Variants in DOK5 observed in about 807,000 individuals in gnomAD.
DOK5 encodes downstream of tyrosine kinase 5.
In DOK5, 27 loss-of-function variants were observed where a neutral mutation model predicts 43.3. That is an observed-to-expected ratio of 0.62 (90% CI 0.46 to 0.86). The LOEUF (loss-of-function observed/expected upper bound fraction) is 0.86. Ranked by LOEUF, DOK5 falls within the 40% of genes least tolerant of loss-of-function variation. The probability of loss-of-function intolerance (pLI) is 0.00; values close to 1 mark genes in which losing one functional copy is unlikely to be tolerated. For missense variants in DOK5, 373 were observed against 392.9 expected, an observed-to-expected ratio of 0.95 and a Z score of 0.43; for synonymous variants, 146 against 140.1, an observed-to-expected ratio of 1.04 and a Z score of -0.30.
At chr20:54,479,149 C>G (rs1164541412) in intron 1 of DOK5, among the ~76,000 whole-genome samples, 1 of 152,130 alleles carries the variant, frequency 6.6e-6, no homozygotes, top group African/African-American at 2.4e-5. Context: ...GATAAGTGGT[C>G]ACCTTCATTT....
At chr20:54,568,870 T>A (rs1985185356) in intron 2 of DOK5, among the ~76,000 whole-genome samples, 1 of 151,346 alleles carries the variant, frequency 6.6e-6, no homozygotes, top group Middle Eastern at 3.2e-3. Flanking sequence ...AGGCGGAGCT[T>A]ACAGTGAGCC....
At chr20:54,492,151 CA>C (rs1982205453) in intron 1 of DOK5, among the ~76,000 whole-genome samples, 1 of 151,626 alleles carries the variant, frequency 6.6e-6, no homozygotes, top group African/African-American at 2.4e-5. Flanking sequence ...GAAAACAATG[CA>C]AAAAAGGATA....
chr20:54,630,863 C>A (rs1978531093), intron 6 of DOK5, among the ~76,000 whole-genome samples: 1 of 152,062 alleles, frequency 6.6e-6, no homozygotes, highest in African/African-American at 2.4e-5. Flanking sequence ...AAATGAAATT[C>A]TAATATTCAT....
intron 6 of DOK5, among the ~76,000 whole-genome samples, chr20:54,622,253 A>G (rs1303401571): frequency 6.6e-6 from 1 of 152,186 alleles, no homozygotes; most frequent in South Asian, 2.1e-4. Flanking sequence ...ATTAACCTAC[A>G]TTTACTAATA....
chr20:54,605,710 C>G (rs376916143), intron 5 of DOK5, among the ~76,000 whole-genome samples: 4 of 152,244 alleles, frequency 2.6e-5, no homozygotes, highest in East Asian at 3.8e-4. Context: ...TTCTGCTTCA[C>G]AATTCATTCT....
At chr20:54,627,214 C>A (rs952903554) in intron 6 of DOK5, among the ~76,000 whole-genome samples, 1 of 152,146 alleles carries the variant, frequency 6.6e-6, no homozygotes. Context: ...ACATCAAAAC[C>A]AATACCGCAA....
Position 54,481,043 on chromosome 20 carries a change from TATC to T in DOK5, c.66+5035_66+5037del, listed in dbSNP as rs1568746347. ...ATCTATCATCTATCTATCATCTATC[TATC>T]ATCTGTCTATCATCTATCTATCATC... On this transcript the variant is annotated intron_variant, in intron 1 of 7. Coordinates refer to ENST00000262593, the MANE Select transcript of DOK5 (RefSeq NM_018431.5). 1.3e-3 allele frequency among the ~76,000 whole-genome samples: 170 copies of T among 133,752 alleles called. 3 individuals carry two copies. The highest frequency in any genetic ancestry group is 5.2e-3 in the African/African-American group (154 of 29,426). 87.7% of individuals were successfully genotyped at this position (133,752 alleles called of 152,430 possible).
intron 6 of DOK5, among the ~76,000 whole-genome samples, chr20:54,624,428 G>A (rs1987076725): frequency 6.6e-6 from 1 of 152,222 alleles, no homozygotes; most frequent in South Asian, 2.1e-4. Context: ...CCCCATGGGT[G>A]TGTAATAAGC....
At chr20:54,643,118 A>G (rs2146830253) in intron 6 of DOK5, among the ~76,000 whole-genome samples, 1 of 152,362 alleles carries the variant, frequency 6.6e-6, no homozygotes, top group African/African-American at 2.4e-5. Context: ...ACAATGTCTC[A>G]GTAAATTATT....
chr20:54,521,780 G>A (rs1384097724), intron 1 of DOK5, among the ~76,000 whole-genome samples: 2 of 152,100 alleles, frequency 1.3e-5, no homozygotes, highest in African/African-American at 2.4e-5. Context: ...CAATCACAAC[G>A]TTGGTTCTTC....
chr20:54,544,761 G>A lies in DOK5; in HGVS notation c.67-10172G>A, dbSNP rs191228959. Among the ~76,000 whole-genome samples the A allele has an allele frequency of 5.3e-5, 8 of 152,248 alleles. No homozygotes were observed. The East Asian group carries it at 1.5e-3, about 29-fold the overall frequency. On this transcript the variant is annotated intron_variant, in intron 1 of 7. Transcript: ENST00000262593. ...GTACTGAGTCCACTCCTGGGTGGGGGCCACAGGATCAGTTGAGTCAAGAGT... is the reference window on the plus strand; with the variant it reads ...GTACTGAGTCCACTCCTGGGTGGGGACCACAGGATCAGTTGAGTCAAGAGT...
chr20:54,524,525 C>G (rs1299204124), intron 1 of DOK5, among the ~76,000 whole-genome samples: 1 of 152,162 alleles, frequency 6.6e-6, no homozygotes, highest in East Asian at 1.9e-4. Context: ...TTGTATGCCT[C>G]AGGACCTGCC....
chr20:54,545,813 T>G (rs1469882610), intron 1 of DOK5, among the ~76,000 whole-genome samples: 1 of 152,196 alleles, frequency 6.6e-6, no homozygotes, highest in Non-Finnish European at 1.5e-5. Flanking sequence ...TCACTGTGGG[T>G]GAACACTTAG....
At chr20:54,634,906 T>C (rs1978752034) in intron 6 of DOK5, among the ~76,000 whole-genome samples, 1 of 152,162 alleles carries the variant, frequency 6.6e-6, no homozygotes. Flanking sequence ...CCAAAACATT[T>C]TCATCACCCT....
At chr20:54,544,885 C>T (rs925851376) in intron 1 of DOK5, among the ~76,000 whole-genome samples, 3 of 152,148 alleles carry the variant, frequency 2.0e-5, no homozygotes, top group African/African-American at 7.2e-5. Flanking sequence ...GTGTTATCTG[C>T]AGGAGTAATT....
At chr20:54,537,974 G>T (rs897463245) in intron 1 of DOK5, among the ~76,000 whole-genome samples, 1 of 151,550 alleles carries the variant, frequency 6.6e-6, no homozygotes, top group Non-Finnish European at 1.5e-5. Flanking sequence ...GAATAGCTGG[G>T]ATTACAGGCA....
intron 6 of DOK5, among the ~76,000 whole-genome samples, chr20:54,622,429 A>C (rs1374826968): frequency 6.6e-6 from 1 of 152,220 alleles, no homozygotes; most frequent in East Asian, 1.9e-4. Context: ...AATAACTTGC[A>C]ACGTGCAGGG....
At chr20:54,548,456 T>G (rs960501228) in intron 1 of DOK5, among the ~76,000 whole-genome samples, 7 of 151,902 alleles carry the variant, frequency 4.6e-5, no homozygotes, top group Non-Finnish European at 1.0e-4. Flanking sequence ...AGGCTGGTCT[T>G]GAACTCCTGG....
intron 1 of DOK5, among the ~76,000 whole-genome samples, chr20:54,488,222 T>A (rs1279006427): frequency 6.6e-6 from 1 of 152,212 alleles, no homozygotes; most frequent in African/African-American, 2.4e-5. Context: ...TCAGCATCCA[T>A]TAATTCAGTG....
Sources: allele counts gnomAD v4.1 joint callset (sites outside exome capture counted in the v4.1 genomes callset), GRCh38; gene constraint gnomAD v4.1.1; transcripts MANE v1.5; gene names NCBI Gene and HGNC (gene_info 2026-07-23, HGNC 2026-07-21).